CDH18: variants seen among roughly 807,000 people sequenced by gnomAD.
The protein encoded by CDH18 is cadherin-18.
A neutral mutation model predicts 67.9 loss-of-function variants in CDH18; 31 were observed. The ratio of observed to expected loss-of-function variants is 0.46; its 90% CI spans 0.34 to 0.62. The LOEUF (loss-of-function observed/expected upper bound fraction) is 0.62, where lower values mean the gene tolerates loss of function less well. CDH18 is among the 20% of genes least tolerant of loss of function. The pLI is 0.01. For synonymous variants in CDH18, 362 were observed against 347.2 expected (o/e 1.04, Z -0.48); for missense variants, 890 against 975.5 (o/e 0.91, Z 1.17).
rs183362096 is a variant in CDH18, at chr5:20,392,410, G to A, written c.-579-136905C>T. 8.9e-3 allele frequency among the ~76,000 whole-genome samples: 1,356 copies of A among 151,770 alleles called. 25 individuals carry two copies. The highest frequency in any genetic ancestry group is 0.031 in the African/African-American group (1,292 of 41,496). The stretch of plus-strand genomic sequence containing the variant: ...TTCAGATAGATTATCTTTATCCAAT[G>A]GTCCCTATCTCTTAACTTCCAATAA... On this transcript the variant is annotated intron_variant, in intron 1 of 14. Transcript: ENST00000507958.
At chr5:20,289,585 T>A (rs1413966731) in intron 1 of CDH18, among the ~76,000 whole-genome samples, 1 of 152,020 alleles carries the variant, frequency 6.6e-6, no homozygotes, top group Non-Finnish European at 1.5e-5. Flanking sequence ...CCACAGTCAA[T>A]ATCTTTCTTA....
chr5:20,211,893 C>T (rs1257514940), intron 2 of CDH18, among the ~76,000 whole-genome samples: 1 of 152,112 alleles, frequency 6.6e-6, no homozygotes, highest in East Asian at 1.9e-4. Context: ...GAACCAGCTT[C>T]TTACCAGCAA....
At chr5:20,546,574 G>A (rs549391616) in intron 1 of CDH18, among the ~76,000 whole-genome samples, 2 of 152,234 alleles carry the variant, frequency 1.3e-5, no homozygotes, top group Admixed American at 1.3e-4. Flanking sequence ...GTGCCACACT[G>A]TTGAATCCAT....
intron 10 of CDH18, among the ~76,000 whole-genome samples, chr5:19,505,390 T>C (rs2126781924): frequency 6.6e-6 from 1 of 152,280 alleles, no homozygotes; most frequent in Middle Eastern, 3.4e-3. Flanking sequence ...ATCCCTGTCT[T>C]GTGCCAGTTT....
intron 2 of CDH18, among the ~76,000 whole-genome samples, chr5:19,947,720 G>A (rs547407987): frequency 1.3e-5 from 2 of 151,512 alleles, no homozygotes; most frequent in African/African-American, 4.8e-5. Flanking sequence ...CTGTGATGGC[G>A]CCACTGCACT....
chr5:20,220,349 C>A lies in CDH18; in HGVS notation c.-518+35095G>T, dbSNP rs185084384. Among the ~76,000 whole-genome samples, 856 of 151,968 alleles carry A rather than the reference C, an allele frequency of 5.6e-3. 13 individuals are homozygous for A. Among genetic ancestry groups the A allele is most frequent in the African/African-American group, 0.019 (792 of 41,496 alleles). ...ACTTCTACAATAAACTTATTTTTGA[C>A]AAAGTTGTCAAAAACATACTCTAGG... is the stretch of plus-strand genomic sequence containing the variant. On this transcript the variant is annotated intron_variant, in intron 2 of 14. Coordinates refer to the CDH18 transcript ENST00000507958.
intron 11 of CDH18, among the ~76,000 whole-genome samples, chr5:19,494,396 A>G (rs1741958763): frequency 6.6e-6 from 1 of 152,174 alleles, no homozygotes; most frequent in Non-Finnish European, 1.5e-5. Flanking sequence ...AACATAAGGA[A>G]GTGGCCATAG....
At chr5:19,486,666 G>A (rs1224723948) in intron 11 of CDH18, among the ~76,000 whole-genome samples, 4 of 152,122 alleles carry the variant, frequency 2.6e-5, no homozygotes, top group Non-Finnish European at 4.4e-5. Context: ...GGTGGCGGGC[G>A]CCTATAATCT....
At position 19,562,103 on chromosome 5, in the gene CDH18, G is replaced by A. The variant is rs943077611; in HGVS notation, c.1253+9476C>T. Among the ~76,000 whole-genome samples, 32 of 152,138 alleles carry A rather than the reference G, an allele frequency of 2.1e-4. 1 individual carries two copies. The highest frequency in any genetic ancestry group is 7.7e-4 in the African/African-American group (32 of 41,436). On this transcript the variant is annotated intron_variant, in intron 8 of 12. Coordinates refer to ENST00000382275, the MANE Select transcript of CDH18 (RefSeq NM_004934.5). ...TGTTTTTGATGATACACTGAGGATT[G>A]CCATGAAGAGAACACTGAAATAATT...
chr5:19,701,236 G>GA (rs1357921632), intron 5 of CDH18, among the ~76,000 whole-genome samples: 3 of 151,808 alleles, frequency 2.0e-5, no homozygotes, highest in South Asian at 2.1e-4. Context: ...TCTCTTGGAG[G>GA]AAAAAAAATC....
intron 7 of CDH18, among the ~76,000 whole-genome samples, chr5:19,587,906 C>T (rs1245926679): frequency 1.3e-5 from 2 of 152,010 alleles, no homozygotes; most frequent in Non-Finnish European, 2.9e-5. Context: ...GATATTGATT[C>T]TTCCTATCCA....
chr5:19,752,392 C>T (rs1770965829), intron 3 of CDH18, among the ~76,000 whole-genome samples: 2 of 152,170 alleles, frequency 1.3e-5, no homozygotes, highest in Non-Finnish European at 2.9e-5. Context: ...TGGGAGAAGC[C>T]TGTGACTCCC....
intron 1 of CDH18, among the ~76,000 whole-genome samples, chr5:20,307,079 C>T (rs897733198): frequency 6.6e-6 from 1 of 151,964 alleles, no homozygotes; most frequent in Non-Finnish European, 1.5e-5. Flanking sequence ...GGGATAGCCT[C>T]CTGAAATATT....
At chr5:19,953,987 A>G (rs1014355217) in intron 2 of CDH18, among the ~76,000 whole-genome samples, 16 of 152,228 alleles carry the variant, frequency 1.1e-4, no homozygotes, top group African/African-American at 3.6e-4. Context: ...AAAACTATTA[A>G]AATTATAGCC....
intron 2 of CDH18, among the ~76,000 whole-genome samples, chr5:20,250,232 CTATTTCCT>C: frequency 6.6e-6 from 1 of 151,912 alleles, no homozygotes; most frequent in Non-Finnish European, 1.5e-5. Context: ...TGTTTTTGTT[CTATTTCCT>C]TTAAAAATGT....
chr5:20,120,976 C>T (rs151035889), intron 2 of CDH18, among the ~76,000 whole-genome samples: 118 of 152,082 alleles, frequency 7.8e-4, no homozygotes, highest in South Asian at 2.3e-3. Flanking sequence ...GTGTCACTGG[C>T]CATTAAACAA....
chr5:19,527,886 T>TTA (rs1747989441), intron 9 of CDH18, among the ~76,000 whole-genome samples: 1 of 151,750 alleles, frequency 6.6e-6, no homozygotes, highest in South Asian at 2.1e-4. Flanking sequence ...CAATAATTCC[T>TTA]TATATATATC....
chr5:19,786,577 G>T (rs1204271021), intron 3 of CDH18, among the ~76,000 whole-genome samples: 2 of 152,170 alleles, frequency 1.3e-5, no homozygotes, highest in South Asian at 2.1e-4. Flanking sequence ...ATACCTAAAA[G>T]ATAAAAATAA....
chr5:19,505,129 T>A (rs940986857), intron 10 of CDH18, among the ~76,000 whole-genome samples: 1 of 152,112 alleles, frequency 6.6e-6, no homozygotes, highest in East Asian at 1.9e-4. Context: ...CGTGTTTTTT[T>A]AAGAGAGAAA....
Sources: allele counts gnomAD v4.1 joint callset (sites outside exome capture counted in the v4.1 genomes callset), GRCh38; gene constraint gnomAD v4.1.1; transcripts MANE v1.5; gene names NCBI Gene and HGNC (gene_info 2026-07-23, HGNC 2026-07-21).